Variants in GLI2 observed in about 807,000 individuals in gnomAD.
The protein encoded by GLI2 is transcription activator GLI2.
Under a neutral mutation model 78.9 loss-of-function variants are expected in GLI2, and 22 were observed. That is an observed-to-expected ratio of 0.28 (90% CI 0.20 to 0.40). GLI2 has a LOEUF of 0.40. Ranked by LOEUF, GLI2 falls within the 10% of genes least tolerant of loss-of-function variation. GLI2 has a pLI of 1.00. For synonymous variants in GLI2, 974 were observed against 963.7 expected, an observed-to-expected ratio of 1.01 and a Z score of -0.20; for missense variants, 2,097 against 2,213.2, an observed-to-expected ratio of 0.95 and a Z score of 1.05.
chr2:120,812,682 C>G (rs1315710600), intron 2 of GLI2, among the ~76,000 whole-genome samples: 16 of 152,298 alleles, frequency 1.1e-4, no homozygotes, highest in Admixed American at 3.3e-4. Context: ...ATCACCTTTC[C>G]TAGTCATTCA....
chr2:120,921,791 G>C (rs375847599), intron 2 of GLI2, among the ~76,000 whole-genome samples: 4 of 152,120 alleles, frequency 2.6e-5, no homozygotes, highest in African/African-American at 9.7e-5. Context: ...AAATCCCAAG[G>C]TTCTTCCCAT....
chr2:120,964,556 G>C (rs1263513992), intron 5 of GLI2, among the ~76,000 whole-genome samples: 3 of 152,236 alleles, frequency 2.0e-5, no homozygotes, highest in Non-Finnish European at 4.4e-5. Context: ...CCACACGTAA[G>C]TGGGCTCCAT....
intron 1 of GLI2, among the ~76,000 whole-genome samples, chr2:120,743,861 G>C (rs1476580931): frequency 6.6e-6 from 1 of 152,352 alleles, no homozygotes; most frequent in East Asian, 1.9e-4. Flanking sequence ...AAGACAGCGG[G>C]TAGGGTGGGA....
chr2:120,753,924 A>G (rs1682960355), intron 1 of GLI2, among the ~76,000 whole-genome samples: 1 of 151,962 alleles, frequency 6.6e-6, no homozygotes, highest in Non-Finnish European at 1.5e-5. Context: ...TCAAAAAAAA[A>G]AAAAAAAACA....
chr2:120,809,925 T>C (rs906274751), intron 2 of GLI2, among the ~76,000 whole-genome samples: 1 of 152,072 alleles, frequency 6.6e-6, no homozygotes, highest in African/African-American at 2.4e-5. Context: ...ACCTGAATCA[T>C]TGACTGTGGC....
chr2:120,881,726 GAGGACAGTGC>G (rs1677150603), intron 2 of GLI2, among the ~76,000 whole-genome samples: 1 of 100,474 alleles, frequency 1.0e-5, no homozygotes, highest in African/African-American at 4.0e-5. Context: ...GCAGGTGGGG[GAGGACAGTGC>G]GGGGGAGAAC....
chr2:120,846,841 C>T (rs187320767), intron 2 of GLI2, among the ~76,000 whole-genome samples: 1 of 152,322 alleles, frequency 6.6e-6, no homozygotes, highest in African/African-American at 2.4e-5. Flanking sequence ...CAGATGGAAG[C>T]GTCCTTGTGT....
intron 2 of GLI2, among the ~76,000 whole-genome samples, chr2:120,880,258 C>T (rs61244010): frequency 0.011 from 1,665 of 152,300 alleles, 35 homozygotes; most frequent in African/African-American, 0.038. Flanking sequence ...TTTGTTTTCT[C>T]TCTGTTTTAC....
chr2:120,989,031 C>T lies in GLI2; in HGVS notation c.3066C>T (p.Ala1022=), dbSNP rs1472557461. ...PSISENVAME[A]VAAGVDGAGP... ...TCAGCGAGAACGTGGCGATGGAGGCCGTGGCGGCAGGAGTGGACGGCGCGG... is the reference window on the plus strand; with the variant it reads ...TCAGCGAGAACGTGGCGATGGAGGCTGTGGCGGCAGGAGTGGACGGCGCGG... Residue 1022 remains alanine, a synonymous_variant, in exon 14 of 14, where the codon GCC becomes GCT. Coordinates refer to ENST00000361492, the MANE Select transcript of GLI2 (RefSeq NM_001374353.1). The T allele has an allele frequency of 1.2e-5, 20 of 1,605,284 alleles. No individual in the cohort carries two copies. Among genetic ancestry groups the T allele is most frequent in the Non-Finnish European group, 1.7e-5 (20 of 1,178,606 alleles).
At chr2:120,910,325 C>T (rs1011285450) in intron 2 of GLI2, among the ~76,000 whole-genome samples, 1 of 152,148 alleles carries the variant, frequency 6.6e-6, no homozygotes, top group African/African-American at 2.4e-5. Flanking sequence ...TCAAGGGATG[C>T]ATTTTAATTT....
intron 2 of GLI2, among the ~76,000 whole-genome samples, chr2:120,868,842 C>T (rs114113569): frequency 0.013 from 1,948 of 152,236 alleles, 50 homozygotes; most frequent in African/African-American, 0.044. Context: ...GCAAGGAGAA[C>T]GTGTGGCATC....
At chr2:120,841,846 A>AGGGG (rs1027217471) in intron 2 of GLI2, among the ~76,000 whole-genome samples, 4 of 77,080 alleles carry the variant, frequency 5.2e-5, no homozygotes, top group Non-Finnish European at 7.7e-5. Context: ...GCCAGTCTGG[A>AGGGG]GGGTGTGTGT....
At chr2:120,974,556 A>T (rs1682353683) in intron 8 of GLI2, among the ~76,000 whole-genome samples, 1 of 152,186 alleles carries the variant, frequency 6.6e-6, no homozygotes, top group South Asian at 2.1e-4. Flanking sequence ...GGCTGCCTCG[A>T]GCTCACTGTG....
chr2:120,990,807 C>A lies in GLI2; in HGVS notation c.*132C>A. The A allele has an allele frequency of 1.5e-6, 1 of 652,642 alleles. No individual in the cohort carries two copies. Among genetic ancestry groups the A allele is most frequent in the East Asian group, 2.7e-5 (1 of 36,952 alleles). The allele number at this position is 652,642 out of a possible 1,614,324, so 40.4% of individuals were successfully genotyped here. ...AGGGGTTGTTGCGCAATGGCCGCTTCAGATGACAGATGTTGTAAGAGAAGG... is the reference window on the plus strand; with the variant it reads ...AGGGGTTGTTGCGCAATGGCCGCTTAAGATGACAGATGTTGTAAGAGAAGG... On this transcript the variant is annotated 3_prime_UTR_variant, in exon 14 of 14. Transcript: ENST00000361492.
intron 2 of GLI2, among the ~76,000 whole-genome samples, chr2:120,814,971 C>A (rs1386224136): frequency 6.6e-6 from 1 of 152,068 alleles, no homozygotes; most frequent in Non-Finnish European, 1.5e-5. Context: ...AGACAAGGGC[C>A]AGTGTCCTGT....
At chr2:120,905,983 C>T (rs1312067582) in intron 2 of GLI2, among the ~76,000 whole-genome samples, 1 of 152,188 alleles carries the variant, frequency 6.6e-6, no homozygotes, top group Non-Finnish European at 1.5e-5. Context: ...CACCCTTCGC[C>T]CAGATGGGGC....
chr2:120,839,525 C>A (rs1686768608), intron 2 of GLI2, among the ~76,000 whole-genome samples: 1 of 151,812 alleles, frequency 6.6e-6, no homozygotes, highest in Non-Finnish European at 1.5e-5. Context: ...TTTATTTGTC[C>A]CTTCCCTGTT....
chr2:120,918,292 A>T (rs1352911004), intron 2 of GLI2, among the ~76,000 whole-genome samples: 2 of 152,082 alleles, frequency 1.3e-5, no homozygotes, highest in African/African-American at 4.8e-5. Context: ...TTTCTATCTG[A>T]TACATCTCAA....
At chr2:120,915,153 T>C (rs1402978741) in intron 2 of GLI2, among the ~76,000 whole-genome samples, 1 of 152,240 alleles carries the variant, frequency 6.6e-6, no homozygotes, top group Non-Finnish European at 1.5e-5. Flanking sequence ...GTGGCTGTGC[T>C]GGCCCCAGCC....
Sources: gnomAD v4.1 joint callset for allele counts (sites outside exome capture counted in the v4.1 genomes callset) on GRCh38, gnomAD v4.1.1 for gene constraint, MANE v1.5 for transcripts, NCBI Gene and HGNC (gene_info 2026-07-23, HGNC 2026-07-21) for gene names.